Variants in COL25A1 observed in about 807,000 individuals in gnomAD.
COL25A1 encodes collagen type XXV alpha 1 chain, also known as collagen alpha-1(XXV) chain.
In COL25A1, 103 loss-of-function variants were observed where a neutral mutation model predicts 128.4. The observed-to-expected ratio is 0.80, with a 90% CI of 0.68 to 0.94. The LOEUF (loss-of-function observed/expected upper bound fraction) is 0.94. COL25A1 is among the 40% of genes least tolerant of loss of function. The probability of loss-of-function intolerance (pLI) is 0.00; values close to 1 mark genes in which losing one functional copy is unlikely to be tolerated. For missense variants in COL25A1, 745 were observed against 840.0 expected, an observed-to-expected ratio of 0.89 and a Z score of 1.40; for synonymous variants, 279 against 277.2, an observed-to-expected ratio of 1.01 and a Z score of -0.06.
rs545435653 is a variant in COL25A1 at position 109,123,899 on chromosome 4, A to G, written c.368-73720T>C. 2.6e-5 allele frequency among the ~76,000 whole-genome samples: 4 copies of G among 152,154 alleles called. No individual in the cohort carries two copies. In the South Asian group the frequency reaches 8.3e-4, roughly 32 times the overall value. On this transcript the variant is annotated intron_variant, in intron 3 of 37. Transcript: ENST00000399132. ...TGATTTGTGTGCCTCTGACACACAAATGGAAACAAACAAGGTAAGTTTATA... is the reference window on the plus strand; with the variant it reads ...TGATTTGTGTGCCTCTGACACACAAGTGGAAACAAACAAGGTAAGTTTATA...
At chr4:108,942,115 A>C (rs1389870986) in intron 8 of COL25A1, 1 of 1,267,998 alleles carries the variant, frequency 7.9e-7, no homozygotes, top group Admixed American at 2.0e-5. Context: ...CATGAGAGGA[A>C]GCCAACGGGC....
chr4:109,017,536 C>A (rs1757331757), intron 5 of COL25A1, among the ~76,000 whole-genome samples: 1 of 152,228 alleles, frequency 6.6e-6, no homozygotes, highest in African/African-American at 2.4e-5. Flanking sequence ...TCATTTGGAT[C>A]TCTGACTGAG....
In COL25A1 at chr4:109,302,106, A is replaced by G. The variant is rs1725618485; in HGVS notation, c.-56-31T>C. 2.8e-6 allele frequency: 4 copies of G among 1,445,616 alleles called. No homozygotes were observed. In the South Asian group the frequency reaches 4.3e-5, roughly 15 times the overall value. The allele number at this position is 1,445,616 out of a possible 1,614,324, so 89.5% of individuals were successfully genotyped here. A position where few individuals can be genotyped will look rare whatever the true frequency, so the allele number is the denominator to read the frequency against. ...AGGAAAGAAAAAGGTCGATTCCTCC[A>G]AAGTTCAGTCCCTGTGGCTGCACAA... On this transcript the variant is annotated intron_variant, in intron 1 of 37. Coordinates refer to ENST00000399132, the MANE Select transcript of COL25A1 (RefSeq NM_198721.4).
intron 5 of COL25A1, among the ~76,000 whole-genome samples, chr4:109,015,789 A>T (rs1455407521): frequency 6.6e-6 from 1 of 152,274 alleles, no homozygotes; most frequent in Non-Finnish European, 1.5e-5. Flanking sequence ...GTAAGCCACA[A>T]TGGAACATGA....
chr4:109,052,194 A>G (rs567508280), intron 3 of COL25A1, among the ~76,000 whole-genome samples: 10 of 151,490 alleles, frequency 6.6e-5, no homozygotes, highest in Non-Finnish European at 1.3e-4. Context: ...TTTTTACTTA[A>G]CAGACAGAAG....
intron 8 of COL25A1, among the ~76,000 whole-genome samples, chr4:108,959,942 C>T (rs933195192): frequency 3.0e-4 from 46 of 152,116 alleles, no homozygotes; most frequent in African/African-American, 1.1e-3. Context: ...CCTCAAAATT[C>T]ATTTCCTTTT....
At chr4:108,930,038 A>G (rs1238224252) in intron 11 of COL25A1, among the ~76,000 whole-genome samples, 1 of 152,124 alleles carries the variant, frequency 6.6e-6, no homozygotes, top group Non-Finnish European at 1.5e-5. Context: ...ACTAAGTACC[A>G]ATAACTATTA....
intron 3 of COL25A1, among the ~76,000 whole-genome samples, chr4:109,199,783 C>A (rs61400143): frequency 0.035 from 5,263 of 152,138 alleles, 300 homozygotes; most frequent in African/African-American, 0.12. Context: ...GGATTGGAAG[C>A]ATTAAAAGGT....
In COL25A1 at chr4:108,980,684, A is replaced by C. The variant is rs182309686; in HGVS notation, c.439-6125T>G. On this transcript the variant is annotated intron_variant, in intron 6 of 37. Coordinates refer to ENST00000399132, the MANE Select transcript of COL25A1 (RefSeq NM_198721.4). ...CACAATTCTTCCGTGTTAACTTCTG[A>C]ATAGAGGAAACCTTTATCACATTTT... Among the ~76,000 whole-genome samples the C allele has an allele frequency of 1.1e-3, 162 of 152,324 alleles. 1 individual carries two copies. The highest frequency in any genetic ancestry group is 3.8e-3 in the African/African-American group (156 of 41,586).
chr4:109,275,294 A>AC (rs965880611), intron 3 of COL25A1, among the ~76,000 whole-genome samples: 9 of 148,236 alleles, frequency 6.1e-5, no homozygotes, highest in African/African-American at 2.3e-4. Flanking sequence ...CTGAAAAAGG[A>AC]CCCCCTGTGA....
chr4:108,994,379 G>A (rs955865878), intron 6 of COL25A1, among the ~76,000 whole-genome samples: 1 of 152,212 alleles, frequency 6.6e-6, no homozygotes, highest in Non-Finnish European at 1.5e-5. Context: ...AGATTGACCT[G>A]CGAGGCTGCA....
chr4:108,920,432 G>A lies in COL25A1; in HGVS notation c.735+146C>T, dbSNP rs537969257. ...ATTAGAAATCTAATGCTCACATTATGTGACTATATTTTTAGAAAGCAGAAT... is the reference window on the plus strand; with the variant it reads ...ATTAGAAATCTAATGCTCACATTATATGACTATATTTTTAGAAAGCAGAAT... On this transcript the variant is annotated intron_variant, in intron 12 of 37. Transcript: ENST00000399132. The A allele has an allele frequency of 7.7e-5, 38 of 492,360 alleles. No homozygotes were observed. In the East Asian group the frequency reaches 1.2e-3, roughly 15 times the overall value. 30.5% of individuals were successfully genotyped at this position (492,360 alleles called of 1,614,324 possible).
intron 11 of COL25A1, among the ~76,000 whole-genome samples, chr4:108,935,589 T>C (rs1747299291): frequency 6.6e-6 from 1 of 151,874 alleles, no homozygotes; most frequent in South Asian, 2.1e-4. Context: ...TAACACGAAC[T>C]AAATCCTAAG....
intron 19 of COL25A1, among the ~76,000 whole-genome samples, chr4:108,876,829 C>T (rs925983226): frequency 3.3e-5 from 5 of 152,152 alleles, no homozygotes; most frequent in African/African-American, 7.2e-5. Flanking sequence ...CTGGATATTG[C>T]ATCTGATTTC....
At chr4:108,955,796 A>G (rs1457070888) in intron 8 of COL25A1, among the ~76,000 whole-genome samples, 2 of 152,226 alleles carry the variant, frequency 1.3e-5, no homozygotes, top group Non-Finnish European at 1.5e-5. Context: ...AGCAGTAGCA[A>G]CCAGTTCCTA....
chr4:108,863,923 AC>A (rs1467102457), intron 20 of COL25A1, among the ~76,000 whole-genome samples: 1 of 152,012 alleles, frequency 6.6e-6, no homozygotes, highest in Non-Finnish European at 1.5e-5. Context: ...GCCTCCCTGG[AC>A]CTGAGGCCTT....
intron 8 of COL25A1, among the ~76,000 whole-genome samples, chr4:108,942,735 C>A (rs966766660): frequency 1.3e-5 from 2 of 150,774 alleles, no homozygotes; most frequent in Non-Finnish European, 3.0e-5. Context: ...CAGGCATGAG[C>A]CACCACATCT....
chr4:109,286,063 C>T (rs1723863056), intron 3 of COL25A1, among the ~76,000 whole-genome samples: 1 of 152,114 alleles, frequency 6.6e-6, no homozygotes, highest in South Asian at 2.1e-4. Context: ...AGTATCTGCA[C>T]TTTCAAAAGT....
At position 108,817,634 on chromosome 4, in the gene COL25A1, AG is replaced by A. The variant is rs565814765; in HGVS notation, c.1924-200del. The stretch of plus-strand genomic sequence containing the variant: ...GAAAATTCAAATGTTTTCCAGAGTG[AG>A]TACACATTTTGAAAACACATGAAGT... On this transcript the variant is annotated intron_variant, in intron 36 of 37. Coordinates refer to ENST00000399132, the MANE Select transcript of COL25A1 (RefSeq NM_198721.4). Among the ~76,000 whole-genome samples, 162 of 152,348 alleles carry A rather than the reference AG, an allele frequency of 1.1e-3. 1 individual carries two copies. The East Asian group carries it at 0.022, about 20-fold the overall frequency.
Sources: gnomAD v4.1 joint callset for allele counts (sites outside exome capture counted in the v4.1 genomes callset) on GRCh38, gnomAD v4.1.1 for gene constraint, MANE v1.5 for transcripts, NCBI Gene and HGNC (gene_info 2026-07-23, HGNC 2026-07-21) for gene names.